The following C12orf54 variants were observed in gnomAD, a reference collection of about 807,000 sequenced individuals.
The protein encoded by C12orf54 is chromosome 12 open reading frame 54.
C12orf54 carries 24 observed loss-of-function variants against 26.4 expected under a neutral mutation model. The ratio of observed to expected loss-of-function variants is 0.91; its 90% CI spans 0.66 to 1.28. C12orf54 has a LOEUF of 1.28. C12orf54 is among the 50% of genes most tolerant of loss of function. The pLI is 0.00. For synonymous variants in C12orf54, 54 were observed against 47.0 expected (o/e 1.15, Z -0.61); for missense variants, 154 against 150.9 (o/e 1.02, Z -0.11).
At chr12:48,430,308 CTTAA>C in the C12orf54 span, among the ~76,000 whole-genome samples, 1 of 152,088 alleles carries the variant, frequency 6.6e-6, no homozygotes, top group Admixed American at 6.6e-5. Flanking sequence ...ATAGCTGGGA[CTTAA>C]TTAAACTAAA....
chr12:48,463,799 T>C, the C12orf54 span, among the ~76,000 whole-genome samples: 4 of 151,956 alleles, frequency 2.6e-5, no homozygotes, highest in African/African-American at 9.7e-5. Context: ...CAAATGTGAC[T>C]CATCACGTAA....
chr12:48,464,455 T>A, the C12orf54 span, among the ~76,000 whole-genome samples: 1 of 152,146 alleles, frequency 6.6e-6, no homozygotes, highest in Non-Finnish European at 1.5e-5. Context: ...CATTCCATGG[T>A]CATGGATAGG....
chr12:48,476,224 C>T, the C12orf54 span, among the ~76,000 whole-genome samples: 1 of 152,128 alleles, frequency 6.6e-6, no homozygotes. Flanking sequence ...CAGGCCTGCC[C>T]TAAAAGAGCT....
At chr12:48,441,718 A>G in the C12orf54 span, among the ~76,000 whole-genome samples, 1 of 152,206 alleles carries the variant, frequency 6.6e-6, no homozygotes, top group Non-Finnish European at 1.5e-5. Context: ...TGTGTATAAT[A>G]AATACATATC....
At chr12:48,484,636 G>A (rs149859718) in intron 2 of C12orf54, among the ~76,000 whole-genome samples, 43 of 152,294 alleles carry the variant, frequency 2.8e-4, no homozygotes, top group African/African-American at 9.4e-4. Flanking sequence ...TATAGGTGAG[G>A]AAACAAGCTT....
At chr12:48,481,966 GT>G (rs1954203650), upstream of C12orf54, among the ~76,000 whole-genome samples, 1 of 152,140 alleles carries the variant, frequency 6.6e-6, no homozygotes, top group South Asian at 2.1e-4. Flanking sequence ...AAGGAAGCAG[GT>G]CCCAGAGTTG....
chr12:48,483,533 G>A lies in C12orf54; in HGVS notation c.65+172G>A. The stretch of plus-strand genomic sequence containing the variant: ...TCTTCTCCATCTCCTTAATGAAAGA[G>A]ATAATAGCAAATCTTTGTCATTTTA... On this transcript the variant is annotated intron_variant, in intron 2 of 8. Transcript: ENST00000548364. The A allele has an allele frequency of 5.2e-6, 3 of 574,076 alleles. No individual in the cohort carries two copies. The South Asian group carries it at 7.3e-5, about 14-fold the overall frequency. 35.6% of individuals were successfully genotyped at this position (574,076 alleles called of 1,614,324 possible). A position where few individuals can be genotyped will look rare whatever the true frequency, so the allele number is the denominator to read the frequency against.
At chr12:48,448,608 A>G in the C12orf54 span, among the ~76,000 whole-genome samples, 1 of 152,246 alleles carries the variant, frequency 6.6e-6, no homozygotes, top group East Asian at 1.9e-4. Context: ...TCAAATAATA[A>G]CAAGCCCTTT....
the C12orf54 span, among the ~76,000 whole-genome samples, chr12:48,415,098 C>T: frequency 1.4e-3 from 216 of 152,338 alleles, no homozygotes; most frequent in African/African-American, 4.8e-3. Context: ...CCATCAGTGG[C>T]TGTAGAAGAG....
At chr12:48,455,013 A>G in the C12orf54 span, among the ~76,000 whole-genome samples, 1 of 152,092 alleles carries the variant, frequency 6.6e-6, no homozygotes, top group Non-Finnish European at 1.5e-5. Context: ...ATGTGGGTAA[A>G]TTGCGTGTCA....
chr12:48,440,630 C>G, the C12orf54 span, among the ~76,000 whole-genome samples: 1 of 152,184 alleles, frequency 6.6e-6, no homozygotes, highest in East Asian at 1.9e-4. Flanking sequence ...GCTGGTGAAT[C>G]ATCTCTGGTT....
At chr12:48,426,524 T>TCCAG in the C12orf54 span, among the ~76,000 whole-genome samples, 4 of 152,182 alleles carry the variant, frequency 2.6e-5, no homozygotes, top group African/African-American at 9.6e-5. Flanking sequence ...GCATGATGCC[T>TCCAG]CCAGCTTTGT....
At chr12:48,432,504 A>T in the C12orf54 span, among the ~76,000 whole-genome samples, 10 of 137,490 alleles carry the variant, frequency 7.3e-5, no homozygotes, top group Middle Eastern at 3.3e-3. Flanking sequence ...AAGCTTTCTC[A>T]TTGATCCTAA....
At chr12:48,472,619 G>A in the C12orf54 span, 4 of 1,609,074 alleles carry the variant, frequency 2.5e-6, no homozygotes, top group South Asian at 1.1e-5. Context: ...GGGTTTATTG[G>A]TTGAATTCCG....
chr12:48,454,778 T>C, the C12orf54 span, among the ~76,000 whole-genome samples: 1 of 152,214 alleles, frequency 6.6e-6, no homozygotes, highest in Admixed American at 6.5e-5. Flanking sequence ...AGTAACTTAG[T>C]AAATGAAATA....
intron 5 of C12orf54, chr12:48,489,308 T>A (rs898411780): frequency 2.4e-6 from 1 of 419,302 alleles, no homozygotes; most frequent in Non-Finnish European, 4.7e-6. Flanking sequence ...AGTATGTCTG[T>A]TAACTGCAGG....
the C12orf54 span, chr12:48,417,080 A>C: frequency 6.6e-6 from 1 of 152,248 alleles, no homozygotes; most frequent in African/African-American, 2.4e-5. Flanking sequence ...ATCATGAGTC[A>C]AATAAATTTT....
chr12:48,460,194 C>A, the C12orf54 span, among the ~76,000 whole-genome samples: 1 of 146,300 alleles, frequency 6.8e-6, no homozygotes. Context: ...TCTTTCCTGC[C>A]CAGGGAGTTG....
chr12:48,488,628 G>A (rs1317882323), intron 4 of C12orf54: 9 of 421,648 alleles, frequency 2.1e-5, no homozygotes, highest in African/African-American at 4.1e-5. Context: ...CAATTAGACC[G>A]AAAATAAATA....
Sources: gnomAD v4.1 joint callset for allele counts (sites outside exome capture counted in the v4.1 genomes callset) on GRCh38, gnomAD v4.1.1 for gene constraint, MANE v1.5 for transcripts, NCBI Gene and HGNC (gene_info 2026-07-23, HGNC 2026-07-21) for gene names.